MYOM1: variants seen among roughly 807,000 people sequenced by gnomAD.
The protein encoded by MYOM1 is myomesin-1.
MYOM1 carries 164 observed loss-of-function variants against 205.3 expected under a neutral mutation model. The observed-to-expected ratio is 0.80, with a 90% confidence interval of 0.70 to 0.91. MYOM1 has a LOEUF of 0.91. Among genes scored for constraint, MYOM1 ranks in the 40% least tolerant of loss-of-function variants. The probability of loss-of-function intolerance (pLI) is 0.00; values close to 1 mark genes in which losing one functional copy is unlikely to be tolerated. For missense variants in MYOM1, 2,011 were observed against 2,127.3 expected, an observed-to-expected ratio of 0.95 and a Z score of 1.08; for synonymous variants, 772 against 789.4, an observed-to-expected ratio of 0.98 and a Z score of 0.37.
chr18:3,117,468 T>C (rs1454797598), intron 20 of MYOM1, among the ~76,000 whole-genome samples: 1 of 50,416 alleles, frequency 2.0e-5, no homozygotes, highest in Non-Finnish European at 5.7e-5. Flanking sequence ...CCCTCTTCCT[T>C]AAGACAATTA....
intron 13 of MYOM1, among the ~76,000 whole-genome samples, chr18:3,142,598 A>AG (rs5822740): frequency 0.78 from 118,153 of 151,866 alleles, 46,419 homozygotes; most frequent in African/African-American, 0.9. Context: ...TATAGAGCTA[A>AG]GAATCTAGGA....
At chr18:3,127,487 T>C (rs1324911753) in intron 18 of MYOM1, among the ~76,000 whole-genome samples, 1 of 151,606 alleles carries the variant, frequency 6.6e-6, no homozygotes, top group East Asian at 1.9e-4. Context: ...TTTTGTATTA[T>C]TAGGAGAGAC....
intron 2 of MYOM1, among the ~76,000 whole-genome samples, chr18:3,212,307 A>G (rs1004176287): frequency 2.6e-5 from 4 of 152,218 alleles, no homozygotes; most frequent in African/African-American, 9.6e-5. Context: ...ACACAGAAAA[A>G]TAATTACAGT....
At chr18:3,242,429 T>C in the MYOM1 span, among the ~76,000 whole-genome samples, 1 of 152,236 alleles carries the variant, frequency 6.6e-6, no homozygotes, top group East Asian at 1.9e-4. Context: ...TCTTCCGCAA[T>C]GATTGTGAAG....
chr18:3,189,733 G>A lies in MYOM1; in HGVS notation c.432-646C>T, dbSNP rs541909740. On this transcript the variant is annotated intron_variant, in intron 3 of 37. Coordinates refer to ENST00000356443, the MANE Select transcript of MYOM1 (RefSeq NM_003803.4). This position sits in a 1 kb window ranked among gnomAD's most constrained non-coding sequence, Gnocchi z 4.8. ...TAAGTTAGATAACTTGGCCAAGGTC[G>A]TCTCACTGGTTGTCTTAGTGTGTTT... is the stretch of plus-strand genomic sequence containing the variant. 1.9e-4 allele frequency among the ~76,000 whole-genome samples: 29 copies of A among 152,298 alleles called. No individual in the cohort carries two copies. Among genetic ancestry groups the A allele is most frequent in the African/African-American group, 6.7e-4 (28 of 41,556 alleles).
rs34489383 is a variant in MYOM1 at position 3,131,595 on chromosome 18, C to CTTT, written c.2385-102_2385-100dup. On this transcript the variant is annotated intron_variant, in intron 16 of 37. Transcript: ENST00000356443. ...TGGATCTGGCTTTATGAAAACAATT[C>CTTT]TTTTTTTTTTATTGTGATTTATTTT... 7.2e-5 allele frequency: 66 copies of CTTT among 922,482 alleles called. 1 individual carries two copies. The South Asian group carries it at 9.7e-4, about 13-fold the overall frequency. 57.1% of individuals were successfully genotyped at this position (922,482 alleles called of 1,614,324 possible).
At chr18:3,200,618 ACAG>A (rs1192484849) in intron 2 of MYOM1, among the ~76,000 whole-genome samples, 8 of 152,202 alleles carry the variant, frequency 5.3e-5, no homozygotes, top group African/African-American at 1.9e-4. Context: ...GAGGGACTCA[ACAG>A]CAGATGTTAG....
chr18:3,102,020 G>C (rs1198638778), intron 23 of MYOM1, among the ~76,000 whole-genome samples: 1 of 37,208 alleles, frequency 2.7e-5, no homozygotes, highest in South Asian at 8.9e-4. Context: ...TTTTTTTTTT[G>C]AGACAGAGTC....
chr18:3,160,224 G>A (rs2080370907), intron 10 of MYOM1, among the ~76,000 whole-genome samples: 1 of 147,558 alleles, frequency 6.8e-6, no homozygotes, highest in Non-Finnish European at 1.5e-5. Context: ...GTCTCGTTCT[G>A]TCACCCAAGC....
intron 37 of MYOM1, among the ~76,000 whole-genome samples, chr18:3,069,456 T>G (rs1442552337): frequency 6.6e-6 from 1 of 152,212 alleles, no homozygotes; most frequent in Non-Finnish European, 1.5e-5. Flanking sequence ...CATGATTATT[T>G]GTTACCCCTT....
At chr18:3,223,554 A>AT, upstream of MYOM1, among the ~76,000 whole-genome samples, 1 of 152,284 alleles carries the variant, frequency 6.6e-6, no homozygotes, top group Admixed American at 6.5e-5. Flanking sequence ...CTGAAGCTCC[A>AT]TTTTCTCATC....
At chr18:3,206,363 G>A (rs1431296873) in intron 2 of MYOM1, among the ~76,000 whole-genome samples, 1 of 152,130 alleles carries the variant, frequency 6.6e-6, no homozygotes, top group Non-Finnish European at 1.5e-5. Flanking sequence ...AGAGAAAGAG[G>A]CCATGTTTTT....
At chr18:3,147,143 TATATATATTATATAGAA>T (rs997076821) in intron 13 of MYOM1, among the ~76,000 whole-genome samples, 5 of 143,590 alleles carry the variant, frequency 3.5e-5, no homozygotes, top group African/African-American at 1.3e-4. Context: ...TATAGATAAA[TATATATATTATATAGAA>T]ATATATATAT....
In MYOM1 at chr18:3,169,260, T is replaced by C. The variant is rs767420969; in HGVS notation, c.1175-279A>G. ...AAAGGGTCAGGTTTAATGTCTTCAATGCAAATTAATACCACATTTAGCCTA... is the reference window on the plus strand; with the variant it reads ...AAAGGGTCAGGTTTAATGTCTTCAACGCAAATTAATACCACATTTAGCCTA... On this transcript the variant is annotated intron_variant, in intron 8 of 37. Transcript: ENST00000356443. Among the ~76,000 whole-genome samples, 39 of 152,342 alleles carry C rather than the reference T, an allele frequency of 2.6e-4. 1 individual carries two copies. Among genetic ancestry groups the C allele is most frequent in the Admixed American group, 2.6e-4 (4 of 15,312 alleles).
In MYOM1 at chr18:3,150,579, C is replaced by T. The variant is rs796661094; in HGVS notation, c.1843+1115G>A. ...CAATGAACAGAACACCCCTAGCCAC[C>T]TCCCACAACAACAAAGAATTACTGG... On this transcript the variant is annotated intron_variant, in intron 12 of 37. Transcript: ENST00000356443. Among the ~76,000 whole-genome samples the T allele has an allele frequency of 5.7e-4, 86 of 152,206 alleles. 1 individual carries two copies. The highest frequency in any genetic ancestry group is 2.0e-3 in the African/African-American group (83 of 41,526).
the MYOM1 span, among the ~76,000 whole-genome samples, chr18:3,225,064 T>G: frequency 1.3e-5 from 2 of 152,148 alleles, no homozygotes. Context: ...CTCAGCTCAC[T>G]GCAAGCTCCA....
At position 3,132,351 on chromosome 18, in the gene MYOM1, C is replaced by A. The variant is rs577814398; in HGVS notation, c.2385-855G>T. Among the ~76,000 whole-genome samples, 8 of 152,028 alleles carry A rather than the reference C, an allele frequency of 5.3e-5. No individual in the cohort carries two copies. In the South Asian group the frequency reaches 1.7e-3, roughly 32 times the overall value. The stretch of plus-strand genomic sequence containing the variant: ...TATTTTTACTAGAGATGGAGTTTCA[C>A]CATCTTGGCCAGGCTGGTCTTGAAC... On this transcript the variant is annotated intron_variant, in intron 16 of 37. Coordinates refer to ENST00000356443, the MANE Select transcript of MYOM1 (RefSeq NM_003803.4).
chr18:3,195,503 C>T (rs529431058), intron 2 of MYOM1, among the ~76,000 whole-genome samples: 2 of 152,294 alleles, frequency 1.3e-5, no homozygotes, highest in African/African-American at 4.8e-5. Flanking sequence ...TTTTCCCTCA[C>T]CTCTTTATTC....
At chr18:3,227,204 T>C in the MYOM1 span, among the ~76,000 whole-genome samples, 1 of 152,186 alleles carries the variant, frequency 6.6e-6, no homozygotes, top group African/African-American at 2.4e-5. Flanking sequence ...TTCTTGTTTG[T>C]ATTTTTTTTA....
Sources: gnomAD v4.1 joint callset for allele counts (sites outside exome capture counted in the v4.1 genomes callset) on GRCh38, gnomAD v4.1.1 for gene constraint, Gnocchi (gnomAD v3.1) non-coding constraint, MANE v1.5 for transcripts, NCBI Gene and HGNC (gene_info 2026-07-23, HGNC 2026-07-21) for gene names.